The following CHRAC1 variants were observed in gnomAD, a reference collection of about 807,000 sequenced individuals.
CHRAC1 encodes chromatin accessibility complex subunit 1.
Under a neutral mutation model 9.1 loss-of-function variants are expected in CHRAC1, and 6 were observed. The ratio of observed to expected loss-of-function variants is 0.66; its 90% CI spans 0.36 to 1.29. The LOEUF is 1.29. Ranked by LOEUF, CHRAC1 falls within the 50% of genes most tolerant of loss-of-function variation. The pLI is 0.03. For missense variants in CHRAC1, 168 were observed against 163.5 expected (o/e 1.03, Z -0.15); for synonymous variants, 73 against 64.5 (o/e 1.13, Z -0.63).
rs761835911 is a variant in CHRAC1 at position 140,511,623 on chromosome 8, T to C, written c.124T>C (p.Leu42=). The C allele has an allele frequency of 3.5e-6, 5 of 1,447,924 alleles. No individual in the cohort carries two copies. The highest frequency in any genetic ancestry group is 5.5e-5 in the East Asian group (2 of 36,446). The allele number at this position is 1,447,924 out of a possible 1,614,324, so 89.7% of individuals were successfully genotyped here. A position where few individuals can be genotyped will look rare whatever the true frequency, so the allele number is the denominator to read the frequency against. ...PEVSSINQEA[L]VLTAKATELF... ...GGTGTCCAGCATCAACCAGGAGGCGTTGGTGCTCACGGCCAAGGCCACGGT... is the reference window on the plus strand; with the variant it reads ...GGTGTCCAGCATCAACCAGGAGGCGCTGGTGCTCACGGCCAAGGCCACGGT... Residue 42 remains leucine, a synonymous_variant, in exon 1 of 3, where the codon TTG becomes CTG. Coordinates refer to ENST00000220913, the MANE Select transcript of CHRAC1 (RefSeq NM_017444.6).
chr8:140,511,359 G>A lies in CHRAC1; in HGVS notation c.-141G>A, dbSNP rs2072269720. The A allele has an allele frequency of 1.4e-6, 1 of 697,288 alleles. No homozygotes were observed. Among genetic ancestry groups the A allele is most frequent in the Non-Finnish European group, 2.0e-6 (1 of 496,278 alleles). The allele number at this position is 697,288 out of a possible 1,614,324, so 43.2% of individuals were successfully genotyped here. On this transcript the variant is annotated 5_prime_UTR_variant, in exon 1 of 3. Transcript: ENST00000220913. ...GTAGTTTCCCGGACGGGCCGCTCCC[G>A]GCCTCGCGGCCTCGCCTCCCCACAC...
chr8:140,513,051 C>G (rs1263702279), intron 1 of CHRAC1, among the ~76,000 whole-genome samples: 2 of 152,214 alleles, frequency 1.3e-5, no homozygotes, highest in East Asian at 3.9e-4. Flanking sequence ...CTCCTGACCT[C>G]AGGTGATCCG....
In CHRAC1 at chr8:140,515,997, C is replaced by T. The variant is rs1020497813; in HGVS notation, c.*750C>T. On this transcript the variant is annotated 3_prime_UTR_variant, in exon 3 of 3. Transcript: ENST00000220913. ...GTTGTACTAAAAAAAAATTTTGAAA[C>T]ATTTTGTATATTGGAGATCTCTCTC... The T allele has an allele frequency of 6.6e-6, 1 of 152,068 alleles. No homozygotes were observed. The highest frequency in any genetic ancestry group is 1.5e-5 in the Non-Finnish European group (1 of 68,016). The allele number at this position is 152,068 out of a possible 1,614,324, so 9.4% of individuals were successfully genotyped here.
At chr8:140,512,307 C>A (rs540792362) in intron 1 of CHRAC1, among the ~76,000 whole-genome samples, 2 of 152,314 alleles carry the variant, frequency 1.3e-5, no homozygotes, top group Non-Finnish European at 2.9e-5. Context: ...AGGCTCTTTT[C>A]CCGCGCGTGC....
chr8:140,515,092 A>G (rs2072319598), intron 2 of CHRAC1, 34 bp from the exon 3 acceptor site: 1 of 1,601,416 alleles, frequency 6.2e-7, no homozygotes, highest in Non-Finnish European at 8.5e-7. Context: ...AGTCTACCAT[A>G]ACCAATTGCT....
Position 140,511,582 on chromosome 8 carries a change from T to C in CHRAC1, c.83T>C (p.Met28Thr). 1 of 1,485,408 alleles carries C rather than the reference T, an allele frequency of 6.7e-7. No homozygotes were observed. Among genetic ancestry groups the C allele is most frequent in the Non-Finnish European group, 9.0e-7 (1 of 1,111,324 alleles). The allele number at this position is 1,485,408 out of a possible 1,614,324, so 92.0% of individuals were successfully genotyped here. ...CCTCTATCCCGCATCCGGGTCATCATGAAGAGCTCCCCCGAGGTGTCCAGC... is the reference window on the plus strand; with the variant it reads ...CCTCTATCCCGCATCCGGGTCATCACGAAGAGCTCCCCCGAGGTGTCCAGC... Reference protein sequence around the residue: ...SLPLSRIRVIMKSSPEVSSIN... With the variant: ...SLPLSRIRVITKSSPEVSSIN... Residue 28 changes from methionine (M) to threonine (T), a missense_variant, in exon 1 of 3, where the codon ATG (methionine) becomes ACG (threonine). Transcript: ENST00000220913.
Position 140,515,343 on chromosome 8 carries a change from C to T in CHRAC1, c.*96C>T. ...CAGCACTGCCCGCTTTTAGCGTCTT[C>T]ACTTCTTCACAGAGTTCCAGTGTGT... is the stretch of plus-strand genomic sequence containing the variant. On this transcript the variant is annotated 3_prime_UTR_variant, in exon 3 of 3. Coordinates refer to ENST00000220913, the MANE Select transcript of CHRAC1 (RefSeq NM_017444.6). 1.6e-6 allele frequency: 2 copies of T among 1,280,964 alleles called. No individual in the cohort carries two copies. Among genetic ancestry groups the T allele is most frequent in the Non-Finnish European group, 2.2e-6 (2 of 916,858 alleles). 79.3% of individuals were successfully genotyped at this position (1,280,964 alleles called of 1,614,324 possible).
At chr8:140,512,043 T>C (rs2072282092) in intron 1 of CHRAC1, 1 of 1,281,150 alleles carries the variant, frequency 7.8e-7, no homozygotes, top group Non-Finnish European at 1.0e-6. Context: ...CCCGCGTTCC[T>C]CTGCGCGCCT....
At chr8:140,514,577 C>G (rs778559480) in intron 2 of CHRAC1, 82 bp downstream of exon 2, 28 of 1,239,436 alleles carry the variant, frequency 2.3e-5, no homozygotes, top group Non-Finnish European at 2.8e-5. Flanking sequence ...CCCTTCTGCT[C>G]TCACGGAAAA....
chr8:140,513,843 C>T (rs2072306458), intron 1 of CHRAC1, among the ~76,000 whole-genome samples: 1 of 151,184 alleles, frequency 6.6e-6, no homozygotes, highest in Admixed American at 6.6e-5. Context: ...AAAATGCCTG[C>T]TTCTCCGCCA....
chr8:140,511,933 C>G, intron 1 of CHRAC1: 1 of 1,241,912 alleles, frequency 8.1e-7, no homozygotes, highest in Non-Finnish European at 1.1e-6. Flanking sequence ...CGCCTTCCTT[C>G]GCTCCGCCCG....
intron 1 of CHRAC1, among the ~76,000 whole-genome samples, chr8:140,512,744 AT>A (rs771040432): frequency 2.0e-4 from 31 of 152,206 alleles, no homozygotes; most frequent in Non-Finnish European, 4.4e-4. Context: ...CATATTCAGC[AT>A]TTCATCTGGG....
rs1456458515 is a variant in CHRAC1, at chr8:140,514,315, C to A, written c.148-54C>A. ...ACAATGTAATTTTAAAAATTAATTT[C>A]TGTGGTACATTTTCAAAGCACACCT... is the stretch of plus-strand genomic sequence containing the variant. On this transcript the variant is annotated intron_variant, in intron 1 of 2. Coordinates refer to ENST00000220913, the MANE Select transcript of CHRAC1 (RefSeq NM_017444.6). 3.9e-6 allele frequency: 6 copies of A among 1,546,684 alleles called. No individual in the cohort carries two copies. In the Admixed American group the frequency reaches 1.2e-4, roughly 30 times the overall value.
Position 140,514,374 on chromosome 8 carries a change from C to G in CHRAC1, c.153C>G (p.Leu51=), listed in dbSNP as rs533527261. The G allele has an allele frequency of 3.8e-6, 6 of 1,581,752 alleles. No homozygotes were observed. The East Asian group carries it at 1.1e-4, about 30-fold the overall frequency. ...ALVLTAKATE[L]FVQCLATYSY... is the part of the protein sequence containing the mutation. ...CATTTTTCATTTTGTTCTAGGAGCTCTTTGTTCAATGCCTAGCCACCTATT... is the reference window on the plus strand; with the variant it reads ...CATTTTTCATTTTGTTCTAGGAGCTGTTTGTTCAATGCCTAGCCACCTATT... Residue 51 remains leucine, a synonymous_variant, in exon 2 of 3, where the codon CTC becomes CTG. Coordinates refer to ENST00000220913, the MANE Select transcript of CHRAC1 (RefSeq NM_017444.6).
chr8:140,513,324 G>C (rs10102418), intron 1 of CHRAC1, among the ~76,000 whole-genome samples: 1,571 of 152,286 alleles, frequency 0.01, 32 homozygotes, highest in African/African-American at 0.035. Context: ...TGTAAGCTGT[G>C]GTCACTATAG....
chr8:140,511,753 C>T (rs1271577614), intron 1 of CHRAC1, 107 bp downstream of exon 1: 2 of 1,058,314 alleles, frequency 1.9e-6, no homozygotes, highest in Non-Finnish European at 2.5e-6. Context: ...GCCGGCTGCT[C>T]TTGCCGGGCT....
Position 140,512,035 on chromosome 8 carries a change from C to G in CHRAC1, c.147+389C>G, listed in dbSNP as rs777736346. Reference sequence around the variant, plus strand: ...TCCATTCGGCAAACCCGTAAGCTCCCGCGTTCCTCTGCGCGCCTTTCGTCC... The same window carrying G: ...TCCATTCGGCAAACCCGTAAGCTCCGGCGTTCCTCTGCGCGCCTTTCGTCC... On this transcript the variant is annotated intron_variant, in intron 1 of 2. Transcript: ENST00000220913. The G allele has an allele frequency of 1.1e-4, 147 of 1,285,698 alleles. 2 individuals carry two copies. In the South Asian group the frequency reaches 1.4e-3, roughly 13 times the overall value. 79.6% of individuals were successfully genotyped at this position (1,285,698 alleles called of 1,614,324 possible).
At chr8:140,512,519 G>C (rs2072289858) in intron 1 of CHRAC1, among the ~76,000 whole-genome samples, 1 of 152,204 alleles carries the variant, frequency 6.6e-6, no homozygotes, top group Non-Finnish European at 1.5e-5. Context: ...GATAGTGTTA[G>C]GCCAGATGTT....
rs1452355115 is a variant in CHRAC1 at position 140,515,207 on chromosome 8, A to G, written c.356A>G (p.Asp119Gly). ...EEKREEDEENDNDNESDHDEA... is the reference protein window; with the variant it reads ...EEKREEDEENGNDNESDHDEA... The stretch of plus-strand genomic sequence containing the variant: ...AAGAGGGAAGAAGATGAGGAGAATG[A>G]CAATGATAATGAAAGTGACCATGAT... The change falls in exon 3 of 3, where the codon GAC (aspartate) becomes GGC (glycine). Residue 119 changes from aspartate (D) to glycine (G), a missense_variant. Coordinates refer to ENST00000220913, the MANE Select transcript of CHRAC1 (RefSeq NM_017444.6). The G allele has an allele frequency of 6.2e-6, 10 of 1,614,100 alleles. No individual in the cohort carries two copies. The highest frequency in any genetic ancestry group is 1.1e-5 in the South Asian group (1 of 91,080).
Sources: gnomAD v4.1 joint callset for allele counts (sites outside exome capture counted in the v4.1 genomes callset) on GRCh38, gnomAD v4.1.1 for gene constraint, MANE v1.5 for transcripts, NCBI Gene and HGNC (gene_info 2026-07-23, HGNC 2026-07-21) for gene names.